Variants in STYXL2 observed in about 807,000 individuals in gnomAD.
The protein encoded by STYXL2 is serine/threonine/tyrosine-interacting-like protein 2.
STYXL2 carries 44 observed loss-of-function variants against 52.4 expected under a neutral mutation model. That is an observed-to-expected ratio of 0.84 (90% CI 0.66 to 1.08). The LOEUF is 1.08. STYXL2 is among the 50% of genes least tolerant of loss of function. The pLI, the probability that STYXL2 is intolerant of heterozygous loss-of-function variation, is 0.00. For synonymous variants in STYXL2, 604 were observed against 586.9 expected, an observed-to-expected ratio of 1.03 and a Z score of -0.42; for missense variants, 1,604 against 1,471.7, an observed-to-expected ratio of 1.09 and a Z score of -1.47.
chr1:167,118,779 G>A (rs916227929), intron 4 of STYXL2, among the ~76,000 whole-genome samples: 1 of 152,128 alleles, frequency 6.6e-6, no homozygotes, highest in Admixed American at 6.5e-5. Flanking sequence ...CTTCAAATGG[G>A]AATAAAACTA....
Position 167,127,526 on chromosome 1 carries a change from C to G in STYXL2, c.2395C>G (p.Leu799Val), listed in dbSNP as rs148873336. ...ACCCAGCTCTGACATGCAGTCTGTG[C>G]TGTCCTGCAACACCACACTGAGCTC... Reference protein sequence around the residue: ...ARPSSDMQSVLSCNTTLSSPA... With the variant: ...ARPSSDMQSVVSCNTTLSSPA... Residue 799 changes from leucine (L) to valine (V), a missense_variant, in exon 6 of 6, where the codon CTG (leucine) becomes GTG (valine). By Grantham distance (32) the Leu-to-Val change is conservative. Transcript: ENST00000361200. The G allele has an allele frequency of 1.9e-6, 3 of 1,614,000 alleles. No individual in the cohort carries two copies. The African/African-American group carries it at 4.0e-5, about 22-fold the overall frequency.
At position 167,128,531 on chromosome 1, in the gene STYXL2, G is replaced by T. The variant is rs758777256; in HGVS notation, c.3400G>T (p.Asp1134Tyr). ...TDREEEEEMD[D>Y]EAIIAAWRRR... The stretch of plus-strand genomic sequence containing the variant: ...CAGGGAGGAAGAGGAAGAAATGGAC[G>T]ATGAAGCCATCATTGCTGCTTGGAG... Residue 1134 changes from aspartate (D) to tyrosine (Y), a missense_variant, in exon 6 of 6, where the codon GAT becomes TAT. By Grantham distance (160) the Asp-to-Tyr change is radical. Transcript: ENST00000361200. 7 of 1,613,922 alleles carry T rather than the reference G, an allele frequency of 4.3e-6. No homozygotes were observed. The East Asian group carries it at 1.6e-4, about 36-fold the overall frequency.
chr1:167,124,958 A>T (rs1372496487), intron 5 of STYXL2, among the ~76,000 whole-genome samples: 1 of 152,038 alleles, frequency 6.6e-6, no homozygotes, highest in Non-Finnish European at 1.5e-5. Flanking sequence ...AAAAAAAAAA[A>T]AAAAAAACCC....
chr1:167,098,003 CTTTTTTTTTTTTTT>C (rs35037292), intron 2 of STYXL2, among the ~76,000 whole-genome samples: 1 of 96,600 alleles, frequency 1.0e-5, no homozygotes, highest in Non-Finnish European at 2.0e-5. Flanking sequence ...TCTCTACAAA[CTTTTTTTTTTTTTT>C]TTTTTTTTTT....
chr1:167,102,402 G>A (rs775316067), intron 2 of STYXL2, among the ~76,000 whole-genome samples: 6 of 151,912 alleles, frequency 3.9e-5, no homozygotes, highest in Non-Finnish European at 8.8e-5. Context: ...CAAAATTGAG[G>A]TCAGACCTGC....
In STYXL2 at chr1:167,127,900, T is replaced by G; in HGVS notation, c.2769T>G (p.Ser923Arg). 1 of 1,614,034 alleles carries G rather than the reference T, an allele frequency of 6.2e-7. No homozygotes were observed. The highest frequency in any genetic ancestry group is 8.5e-7 in the Non-Finnish European group (1 of 1,179,998). ...SSLAVCDHYASGSRVGKEMDS... is the reference protein window; with the variant it reads ...SSLAVCDHYARGSRVGKEMDS... ...TGGCTGTCTGTGATCACTATGCAAG[T>G]GGCAGCAGAGTTGGCAAAGAGATGG... is the stretch of plus-strand genomic sequence containing the variant. The change falls in exon 6 of 6, where the codon AGT (serine) becomes AGG (arginine). Residue 923 changes from serine to arginine, a missense_variant. Ser to Arg is a moderately radical substitution (Grantham distance 110). Coordinates refer to ENST00000361200, the MANE Select transcript of STYXL2 (RefSeq NM_001080426.3).
rs189402651 is a variant in STYXL2, at chr1:167,119,429, G to A, written c.618G>A (p.Ala206=). The part of the protein sequence containing the change: ...EVDISQHFRK[A]SEFLDEALLT... ...ACATTTCCCAGCATTTCCGGAAGGC[G>A]TCTGAGTTCCTGGATGAGGCGCTGC... is the stretch of plus-strand genomic sequence containing the variant. The change falls in exon 5 of 6, where the codon GCG becomes GCA. Residue 206 remains alanine (A), a synonymous_variant. Coordinates refer to ENST00000361200, the MANE Select transcript of STYXL2 (RefSeq NM_001080426.3). 1.7e-4 allele frequency: 269 copies of A among 1,614,206 alleles called. No individual in the cohort carries two copies. The highest frequency in any genetic ancestry group is 3.3e-4 in the Middle Eastern group (2 of 6,062).
At chr1:167,111,469 CATATATATATATATATATATATAT>C (rs776014246) in intron 2 of STYXL2, among the ~76,000 whole-genome samples, 81 of 79,904 alleles carry the variant, frequency 1.0e-3, no homozygotes, top group Non-Finnish European at 1.8e-3. Context: ...AAATATGGTA[CATATATATATATATATATATATAT>C]ATATATATAT....
At chr1:167,103,738 C>T (rs1422137467) in intron 2 of STYXL2, among the ~76,000 whole-genome samples, 2 of 152,116 alleles carry the variant, frequency 1.3e-5, no homozygotes, top group Non-Finnish European at 2.9e-5. Context: ...ATTTAAAACC[C>T]CCTGTCAGTG....
At position 167,127,203 on chromosome 1, in the gene STYXL2, C is replaced by T; in HGVS notation, c.2072C>T (p.Ala691Val). Residue 691 changes from alanine (A) to valine (V), a missense_variant, in exon 6 of 6, where the codon GCT (alanine) becomes GTT (valine). Physicochemically the swap from Ala to Val is moderately conservative, Grantham distance 64 (BLOSUM62 0). Transcript: ENST00000361200. ...AGCCACCGCTCCCACCTGTCTCAGG[C>T]TGCAAGCAACATAGCGGGGTGTTCA... ...TQSHRSHLSQAASNIAGCSTS... is the reference protein window; with the variant it reads ...TQSHRSHLSQVASNIAGCSTS... 6.2e-7 allele frequency: 1 copy of T among 1,614,158 alleles called. No individual in the cohort carries two copies. Among genetic ancestry groups the T allele is most frequent in the East Asian group, 2.2e-5 (1 of 44,878 alleles).
Position 167,125,837 on chromosome 1 carries a change from G to A in STYXL2, c.706G>A (p.Val236Met). Residue 236 changes from valine (V) to methionine (M), a missense_variant, in exon 6 of 6, where the codon GTG becomes ATG. By Grantham distance (21) the Val-to-Met change is conservative. Coordinates refer to ENST00000361200, the MANE Select transcript of STYXL2 (RefSeq NM_001080426.3). Reference sequence around the variant, plus strand: ...GGGCATCAGCCGGTCAGCAGTGCTGGTGGTCGCCTACCTGATGATCTTCCA... The same window carrying A: ...GGGCATCAGCCGGTCAGCAGTGCTGATGGTCGCCTACCTGATGATCTTCCA... ...EMGISRSAVL[V>M]VAYLMIFHNM... The A allele has an allele frequency of 6.2e-7, 1 of 1,613,326 alleles. No individual in the cohort carries two copies. Among genetic ancestry groups the A allele is most frequent in the Middle Eastern group, 1.7e-4 (1 of 6,056 alleles).
intron 5 of STYXL2, among the ~76,000 whole-genome samples, chr1:167,123,319 A>C (rs992265287): frequency 6.6e-6 from 1 of 152,206 alleles, no homozygotes. Flanking sequence ...CCAGTGTGCT[A>C]GGAACACAGC....
intron 5 of STYXL2, among the ~76,000 whole-genome samples, chr1:167,123,913 C>T (rs1667907999): frequency 6.6e-6 from 1 of 151,944 alleles, no homozygotes; most frequent in African/African-American, 2.4e-5. Flanking sequence ...TGTAAGCCAC[C>T]ACACCCTTGT....
chr1:167,121,382 G>T (rs557770477), intron 5 of STYXL2, among the ~76,000 whole-genome samples: 1 of 152,210 alleles, frequency 6.6e-6, no homozygotes, highest in African/African-American at 2.4e-5. Context: ...GGTCGCCTGC[G>T]GCGTAAGGAG....
At chr1:167,115,534 G>T (rs1345147501) in intron 3 of STYXL2, among the ~76,000 whole-genome samples, 1 of 152,120 alleles carries the variant, frequency 6.6e-6, no homozygotes, top group Non-Finnish European at 1.5e-5. Context: ...AAAAGAAATG[G>T]AAACAACAAC....
chr1:167,117,238 G>A (rs1667743334), intron 3 of STYXL2, 90 bp from the exon 4 acceptor site: 3 of 1,198,694 alleles, frequency 2.5e-6, no homozygotes, highest in Non-Finnish European at 3.5e-6. Flanking sequence ...AATCCTGGCA[G>A]CAAACTGGCC....
chr1:167,120,446 A>C (rs1312356653), intron 5 of STYXL2, among the ~76,000 whole-genome samples: 5 of 152,296 alleles, frequency 3.3e-5, no homozygotes, highest in Admixed American at 6.5e-5. Flanking sequence ...CGTTTTAAAA[A>C]TGCATATAAA....
intron 2 of STYXL2, 65 bp from the exon 3 acceptor site, chr1:167,113,645 T>C: frequency 1.6e-6 from 2 of 1,249,510 alleles, no homozygotes; most frequent in Non-Finnish European, 2.4e-6. Flanking sequence ...AGGTTTCTCA[T>C]CTAAAAGAAT....
chr1:167,095,971 C>T (rs984470329), intron 2 of STYXL2, among the ~76,000 whole-genome samples: 1 of 152,098 alleles, frequency 6.6e-6, no homozygotes, highest in African/African-American at 2.4e-5. Context: ...GGGCACTTCG[C>T]CCAAATGGAG....
Sources: gnomAD v4.1 joint callset for allele counts (sites outside exome capture counted in the v4.1 genomes callset) on GRCh38, gnomAD v4.1.1 for gene constraint, MANE v1.5 for transcripts, NCBI Gene and HGNC (gene_info 2026-07-23, HGNC 2026-07-21) for gene names.